Variants in CFAP54 observed in about 807,000 individuals in gnomAD.
CFAP54 encodes cilia- and flagella-associated protein 54.
CFAP54 carries 290 observed loss-of-function variants against 370.4 expected under a neutral mutation model. The ratio of observed to expected loss-of-function variants is 0.78; its 90% CI spans 0.71 to 0.86. The LOEUF (loss-of-function observed/expected upper bound fraction) is 0.86, where lower values mean the gene tolerates loss of function less well. Ranked by LOEUF, CFAP54 falls within the 40% of genes least tolerant of loss-of-function variation. The pLI is 0.00. For missense variants in CFAP54, 3,399 were observed against 3,528.7 expected (o/e 0.96, Z 0.93); for synonymous variants, 1,206 against 1,236.5 (o/e 0.98, Z 0.52).
chr12:96,512,335 AT>A (rs1955180995), intron 4 of CFAP54, among the ~76,000 whole-genome samples: 7 of 37,778 alleles, frequency 1.9e-4, no homozygotes, highest in African/African-American at 7.8e-4. Flanking sequence ...ATATATATAT[AT>A]ATATATATAT....
At chr12:96,636,098 C>T (rs1025030819) in intron 32 of CFAP54, among the ~76,000 whole-genome samples, 4 of 152,108 alleles carry the variant, frequency 2.6e-5, no homozygotes, top group South Asian at 2.1e-4. Context: ...TACCCTGAGT[C>T]GCCTCCTTAG....
Position 96,792,384 on chromosome 12 carries a change from C to T in CFAP54, c.8735C>T (p.Ser2912Leu), listed in dbSNP as rs939436273. Residue 2912 changes from serine (S) to leucine (L), a missense_variant, in exon 63 of 68, where the codon TCA becomes TTA. By Grantham distance (145) the Ser-to-Leu change is moderately radical. Around this residue, in one of 3 missense-constraint regions of CFAP54, gnomAD observed 2,796 missense variants for 2,869.7 expected, o/e 0.97. Coordinates refer to ENST00000524981, the MANE Select transcript of CFAP54 (RefSeq NM_001306084.2). Reference protein sequence around the residue: ...SILSFKPVSGSSCVDITPIEM... With the variant: ...SILSFKPVSGLSCVDITPIEM... ...TTATCTTTTAAGCCTGTTTCAGGCT[C>T]ATCTTGTGTGGACATAACGCCAATA... The T allele has an allele frequency of 6.5e-7, 1 of 1,535,850 alleles. No homozygotes were observed. Among genetic ancestry groups the T allele is most frequent in the Non-Finnish European group, 8.7e-7 (1 of 1,146,730 alleles).
At chr12:96,557,060 T>G (rs1565895772) in intron 17 of CFAP54, among the ~76,000 whole-genome samples, 3 of 152,064 alleles carry the variant, frequency 2.0e-5, no homozygotes, top group African/African-American at 7.2e-5. Context: ...AAAGCGAAAG[T>G]TAAATAATAA....
chr12:96,758,848 T>G (rs1435186955), intron 58 of CFAP54, among the ~76,000 whole-genome samples: 1 of 152,120 alleles, frequency 6.6e-6, no homozygotes, highest in Non-Finnish European at 1.5e-5. Flanking sequence ...GATTTGGCAT[T>G]TCTAACGAGC....
At chr12:96,821,894 T>C (rs936645275) in intron 65 of CFAP54, among the ~76,000 whole-genome samples, 2 of 152,166 alleles carry the variant, frequency 1.3e-5, no homozygotes, top group African/African-American at 4.8e-5. Flanking sequence ...TTTATTTCTA[T>C]TAACAGTATA....
At chr12:96,617,394 T>C in intron 26 of CFAP54, among the ~76,000 whole-genome samples, 1 of 152,130 alleles carries the variant, frequency 6.6e-6, no homozygotes, top group East Asian at 1.9e-4. Flanking sequence ...GAGAGAATTA[T>C]CTAACAATTT....
At chr12:96,874,904 AC>A (rs1960267760) in intron 67 of CFAP54, among the ~76,000 whole-genome samples, 1 of 151,488 alleles carries the variant, frequency 6.6e-6, no homozygotes, top group Non-Finnish European at 1.5e-5. Flanking sequence ...GGCGTGAGCC[AC>A]CGCGCCCGGC....
rs544225186 is a variant in CFAP54, at chr12:96,742,573, T to C, written c.7206T>C (p.Ile2402=). ...CATTTGTTGCACAGATTCATGGCATTGGAATTGTGAAAGGTACAAACATTT... is the reference window on the plus strand; with the variant it reads ...CATTTGTTGCACAGATTCATGGCATCGGAATTGTGAAAGGTACAAACATTT... ...VTAFVAQIHG[I]GIVKEDDMTD... The change falls in exon 52 of 68, where the codon ATT becomes ATC. Residue 2402 remains isoleucine, a synonymous_variant. Transcript: ENST00000524981. The C allele has an allele frequency of 2.2e-5, 35 of 1,612,452 alleles. No individual in the cohort carries two copies. The South Asian group carries it at 3.5e-4, about 16-fold the overall frequency.
At chr12:96,805,054 G>T (rs1194771545) in intron 63 of CFAP54, among the ~76,000 whole-genome samples, 1 of 152,046 alleles carries the variant, frequency 6.6e-6, no homozygotes. Context: ...GCAGAAGAAT[G>T]AAACTAGACC....
At chr12:96,501,005 G>T in intron 2 of CFAP54, 66 bp downstream of exon 2, 1 of 837,994 alleles carries the variant, frequency 1.2e-6, no homozygotes, top group Non-Finnish European at 1.8e-6. Context: ...ACAGTATTTA[G>T]TCTGATACCC....
intron 63 of CFAP54, among the ~76,000 whole-genome samples, chr12:96,798,788 A>G (rs1045180832): frequency 2.3e-4 from 35 of 152,318 alleles, no homozygotes; most frequent in Admixed American, 1.4e-3. Flanking sequence ...TTTAAAGTTT[A>G]ATAGCTTCAA....
intron 38 of CFAP54, among the ~76,000 whole-genome samples, chr12:96,662,756 G>T (rs971916799): frequency 6.6e-6 from 1 of 151,956 alleles, no homozygotes; most frequent in African/African-American, 2.4e-5. Context: ...CAGGGTCTTT[G>T]TATTTGCTGT....
intron 46 of CFAP54, 117 bp downstream of exon 46, chr12:96,700,210 G>T (rs571602626): frequency 9.0e-7 from 1 of 1,112,388 alleles, no homozygotes; most frequent in African/African-American, 1.6e-5. Context: ...AGCCCTCTTT[G>T]TTAAGCCTGG....
intron 19 of CFAP54, among the ~76,000 whole-genome samples, chr12:96,567,320 T>C (rs1955873405): frequency 6.6e-6 from 1 of 152,130 alleles, no homozygotes; most frequent in Non-Finnish European, 1.5e-5. Context: ...AAAGATGTGT[T>C]CATAAGAAGT....
intron 65 of CFAP54, among the ~76,000 whole-genome samples, chr12:96,822,040 G>A (rs1959041294): frequency 6.6e-6 from 1 of 152,102 alleles, no homozygotes; most frequent in South Asian, 2.1e-4. Context: ...TCCAGAATAA[G>A]CCAAGAACTT....
At chr12:96,817,035 T>C (rs763389650) in intron 64 of CFAP54, among the ~76,000 whole-genome samples, 2 of 152,236 alleles carry the variant, frequency 1.3e-5, no homozygotes, top group Non-Finnish European at 2.9e-5. Context: ...TTGACTGACC[T>C]TCTAGAGTCA....
chr12:96,507,138 A>T, intron 4 of CFAP54, 39 bp downstream of exon 4: 1 of 1,412,670 alleles, frequency 7.1e-7, no homozygotes, highest in East Asian at 2.8e-5. Context: ...TGTGTCTTTC[A>T]GAAAGTTACT....
chr12:96,731,075 A>G (rs1350798916), intron 50 of CFAP54, among the ~76,000 whole-genome samples: 2 of 152,154 alleles, frequency 1.3e-5, no homozygotes, highest in Non-Finnish European at 2.9e-5. Flanking sequence ...TGCATTATTC[A>G]CTGTGTCGTT....
chr12:96,829,877 C>T (rs933864170), intron 66 of CFAP54, among the ~76,000 whole-genome samples: 37 of 152,062 alleles, frequency 2.4e-4, no homozygotes, highest in Admixed American at 1.2e-3. Context: ...CTCCTCAATT[C>T]CTCCTCCCCC....
Sources: allele counts gnomAD v4.1 joint callset (sites outside exome capture counted in the v4.1 genomes callset), GRCh38; gene constraint gnomAD v4.1.1; regional missense constraint gnomAD v4.1.1; transcripts MANE v1.5; gene names NCBI Gene and HGNC (gene_info 2026-07-23, HGNC 2026-07-21).